ARHGAP28: variants seen among roughly 807,000 people sequenced by gnomAD.
The protein encoded by ARHGAP28 is Rho GTPase activating protein 28, also known as rho GTPase-activating protein 28.
ARHGAP28 carries 56 observed loss-of-function variants against 90.7 expected under a neutral mutation model. The ratio of observed to expected loss-of-function variants is 0.62; its 90% CI spans 0.50 to 0.77. The LOEUF is 0.77. ARHGAP28 is among the 30% of genes least tolerant of loss of function. ARHGAP28 has a pLI of 0.00. For missense variants in ARHGAP28, 869 were observed against 900.9 expected, an observed-to-expected ratio of 0.96 and a Z score of 0.45; for synonymous variants, 308 against 323.3, an observed-to-expected ratio of 0.95 and a Z score of 0.51.
At chr18:6,839,499 C>T (rs530186880) in intron 3 of ARHGAP28, among the ~76,000 whole-genome samples, 2 of 151,898 alleles carry the variant, frequency 1.3e-5, no homozygotes, top group Admixed American at 6.6e-5. Context: ...GGGTTTCACC[C>T]TGTTAGCCAG....
At chr18:6,876,464 C>CT (rs1354998782) in intron 10 of ARHGAP28, among the ~76,000 whole-genome samples, 1 of 152,060 alleles carries the variant, frequency 6.6e-6, no homozygotes, top group African/African-American at 2.4e-5. Flanking sequence ...TCAAAAACTG[C>CT]TGCTTGCCTT....
intron 1 of ARHGAP28, among the ~76,000 whole-genome samples, chr18:6,817,164 A>C (rs2056596951): frequency 6.6e-6 from 1 of 151,876 alleles, no homozygotes; most frequent in African/African-American, 2.4e-5. Context: ...AAAAACAAAA[A>C]TTAGCTGGGC....
chr18:6,866,138 A>G (rs62082831), intron 5 of ARHGAP28, among the ~76,000 whole-genome samples: 44,267 of 151,992 alleles, frequency 0.29, 6,551 homozygotes, highest in Middle Eastern at 0.4. Context: ...ATTGGCTGCC[A>G]CTGTTCCTTC....
intron 5 of ARHGAP28, among the ~76,000 whole-genome samples, chr18:6,861,526 C>A (rs1376844938): frequency 6.6e-6 from 1 of 152,102 alleles, no homozygotes; most frequent in Non-Finnish European, 1.5e-5. Flanking sequence ...ATGGTCAGAC[C>A]CCTTGTCGGC....
Position 6,859,811 on chromosome 18 carries a change from G to A in ARHGAP28, c.640G>A (p.Asp214Asn). The A allele has an allele frequency of 6.2e-7, 1 of 1,613,376 alleles. No individual in the cohort carries two copies. Among genetic ancestry groups the A allele is most frequent in the Non-Finnish European group, 8.5e-7 (1 of 1,179,770 alleles). The change falls in exon 5 of 18, where the codon GAT becomes AAT. Residue 214 changes from aspartate to asparagine, a missense_variant. Asp to Asn is a conservative substitution (Grantham distance 23). Coordinates refer to ENST00000383472, the MANE Select transcript of ARHGAP28 (RefSeq NM_001366230.1). ...RVIKTSGSMP[D>N]DASLNSTTLS... ...GTACTTTTATTTCTCCATTTAGCCA[G>A]ATGATGCTTCTCTCAACAGTACTAC... is the stretch of plus-strand genomic sequence containing the variant.
chr18:6,851,143 G>A lies in ARHGAP28; in HGVS notation c.636+17G>A. ...GGTTCCATGGTAAGTTATAGTTGTGGGGGGATGGTGGTAGGCATGAAATAA... is the reference window on the plus strand; with the variant it reads ...GGTTCCATGGTAAGTTATAGTTGTGAGGGGATGGTGGTAGGCATGAAATAA... On this transcript the variant is annotated intron_variant, in intron 4 of 17. Transcript: ENST00000383472. The A allele has an allele frequency of 6.2e-7, 1 of 1,608,194 alleles. No individual in the cohort carries two copies. The highest frequency in any genetic ancestry group is 1.1e-5 in the South Asian group (1 of 90,610).
chr18:6,910,849 TTTG>T (rs1204635621), intron 17 of ARHGAP28, among the ~76,000 whole-genome samples: 3 of 143,712 alleles, frequency 2.1e-5, no homozygotes, highest in Non-Finnish European at 4.7e-5. Context: ...TTTTGTTTGC[TTTG>T]TTTTTTTTTT....
intron 1 of ARHGAP28, among the ~76,000 whole-genome samples, chr18:6,754,458 G>A (rs2143281065): frequency 6.6e-6 from 1 of 152,258 alleles, no homozygotes; most frequent in Non-Finnish European, 1.5e-5. Flanking sequence ...GGAGAGCATT[G>A]TCAAAATTCT....
At chr18:6,844,481 C>G (rs1446271224) in intron 3 of ARHGAP28, among the ~76,000 whole-genome samples, 1 of 152,106 alleles carries the variant, frequency 6.6e-6, no homozygotes, top group Non-Finnish European at 1.5e-5. Context: ...TGATAAATTG[C>G]TAAATGCAAT....
chr18:6,750,713 C>T (rs1488347648), intron 1 of ARHGAP28, among the ~76,000 whole-genome samples: 1 of 151,056 alleles, frequency 6.6e-6, no homozygotes. Context: ...TATAAAGCCA[C>T]AGTCCCATCG....
At chr18:6,824,558 A>T (rs1288212740) in intron 1 of ARHGAP28, among the ~76,000 whole-genome samples, 1 of 152,134 alleles carries the variant, frequency 6.6e-6, no homozygotes, top group Non-Finnish European at 1.5e-5. Flanking sequence ...TTAAAAAATT[A>T]AAAAATAAAT....
intron 1 of ARHGAP28, among the ~76,000 whole-genome samples, chr18:6,759,260 G>A (rs5011840): frequency 0.63 from 95,924 of 152,026 alleles, 31,306 homozygotes; most frequent in Middle Eastern, 0.72. Flanking sequence ...AAAATTTGGG[G>A]AAAAAACTGG....
intron 3 of ARHGAP28, among the ~76,000 whole-genome samples, chr18:6,839,065 G>T (rs1429286497): frequency 6.6e-6 from 1 of 152,122 alleles, no homozygotes; most frequent in Non-Finnish European, 1.5e-5. Context: ...GGCACTTAGA[G>T]TTCTTTATGC....
chr18:6,810,866 A>C (rs1034854008), intron 1 of ARHGAP28, among the ~76,000 whole-genome samples: 5 of 152,086 alleles, frequency 3.3e-5, no homozygotes, highest in Admixed American at 2.0e-4. Context: ...GCTAGGAGAC[A>C]GATCTGTGTT....
intron 1 of ARHGAP28, among the ~76,000 whole-genome samples, chr18:6,747,931 G>C (rs1421852500): frequency 6.6e-6 from 1 of 152,208 alleles, no homozygotes; most frequent in Non-Finnish European, 1.5e-5. Context: ...CATGGGGTAA[G>C]CAGAGGGGGA....
intron 15 of ARHGAP28, among the ~76,000 whole-genome samples, chr18:6,895,580 C>G (rs983628929): frequency 6.6e-6 from 1 of 152,222 alleles, no homozygotes; most frequent in African/African-American, 2.4e-5. Flanking sequence ...CAGTAATCCT[C>G]GGCATTCCTC....
chr18:6,880,107 T>C (rs1243081482), intron 10 of ARHGAP28, among the ~76,000 whole-genome samples: 1 of 152,224 alleles, frequency 6.6e-6, no homozygotes, highest in African/African-American at 2.4e-5. Flanking sequence ...TTTGCTTTAC[T>C]GCAGTGGTAC....
intron 1 of ARHGAP28, among the ~76,000 whole-genome samples, chr18:6,755,559 C>A (rs1404612891): frequency 6.6e-6 from 1 of 152,146 alleles, no homozygotes; most frequent in Non-Finnish European, 1.5e-5. Flanking sequence ...CATATGAAAA[C>A]CAGTAATTAT....
At chr18:6,807,699 G>A (rs1448416043) in intron 1 of ARHGAP28, among the ~76,000 whole-genome samples, 1 of 152,168 alleles carries the variant, frequency 6.6e-6, no homozygotes, top group African/African-American at 2.4e-5. Flanking sequence ...CCTGACTGAG[G>A]GTAGTTTCCA....
Sources: allele counts gnomAD v4.1 joint callset (sites outside exome capture counted in the v4.1 genomes callset), GRCh38; gene constraint gnomAD v4.1.1; transcripts MANE v1.5; gene names NCBI Gene and HGNC (gene_info 2026-07-23, HGNC 2026-07-21).